ARAP2: variants seen among roughly 807,000 people sequenced by gnomAD.
The protein encoded by ARAP2 is ArfGAP with RhoGAP domain, ankyrin repeat and PH domain 2, also known as arf-GAP with Rho-GAP domain, ANK repeat and PH domain-containing protein 2.
A neutral mutation model predicts 194.5 loss-of-function variants in ARAP2; 148 were observed. The ratio of observed to expected loss-of-function variants is 0.76; its 90% CI spans 0.67 to 0.87. ARAP2 has a LOEUF of 0.87. Ranked by LOEUF, ARAP2 falls within the 40% of genes least tolerant of loss-of-function variation. The pLI is 0.00. For synonymous variants in ARAP2, 695 were observed against 683.5 expected, an observed-to-expected ratio of 1.02 and a Z score of -0.26; for missense variants, 2,128 against 1,989.7, an observed-to-expected ratio of 1.07 and a Z score of -1.32.
At chr4:36,131,480 C>A (rs1725442642) in intron 20 of ARAP2, among the ~76,000 whole-genome samples, 1 of 150,966 alleles carries the variant, frequency 6.6e-6, no homozygotes, top group South Asian at 2.1e-4. Flanking sequence ...GTGTGTATAA[C>A]TATATAAACA....
chr4:36,147,906 T>C (rs113067962), intron 17 of ARAP2, among the ~76,000 whole-genome samples, 160 bp from the exon 18 acceptor site: 4 of 152,188 alleles, frequency 2.6e-5, no homozygotes, highest in Non-Finnish European at 5.9e-5. Flanking sequence ...GCTATCAGTC[T>C]TAAAACTGAA....
intron 5 of ARAP2, among the ~76,000 whole-genome samples, chr4:36,027,259 A>G (rs557112696): frequency 1.3e-5 from 2 of 152,244 alleles, no homozygotes; most frequent in African/African-American, 2.4e-5. Context: ...AGTAAAAACT[A>G]AAGCACAGAG....
intron 7 of ARAP2, among the ~76,000 whole-genome samples, chr4:36,188,893 T>C (rs1437911546): frequency 1.3e-5 from 2 of 152,228 alleles, no homozygotes; most frequent in Non-Finnish European, 2.9e-5. Flanking sequence ...AAGGATATCC[T>C]CTTCTGCTAT....
intron 21 of ARAP2, among the ~76,000 whole-genome samples, chr4:36,127,621 C>T (rs1236954028): frequency 6.6e-6 from 1 of 151,810 alleles, no homozygotes; most frequent in African/African-American, 2.4e-5. Flanking sequence ...AGCCATTTTC[C>T]AAATCTTGAA....
At chr4:36,033,086 G>A (rs973696052) in intron 5 of ARAP2, among the ~76,000 whole-genome samples, 2 of 152,104 alleles carry the variant, frequency 1.3e-5, no homozygotes, top group Non-Finnish European at 2.9e-5. Context: ...GATGGGCATC[G>A]AGATTGATTC....
At chr4:36,014,344 AAG>A (rs1715354819) in intron 8 of ARAP2, among the ~76,000 whole-genome samples, 1 of 128,546 alleles carries the variant, frequency 7.8e-6, no homozygotes, top group South Asian at 2.3e-4. Flanking sequence ...GAAAGAAAGA[AAG>A]AAAGAAAGAA....
intron 26 of ARAP2, among the ~76,000 whole-genome samples, chr4:36,113,630 T>C (rs895320824): frequency 6.6e-6 from 1 of 151,822 alleles, no homozygotes; most frequent in African/African-American, 2.4e-5. Flanking sequence ...TGAAACCACA[T>C]GGTGTTATTA....
At chr4:36,200,317 GC>G (rs1257924811) in intron 6 of ARAP2, among the ~76,000 whole-genome samples, 1 of 151,470 alleles carries the variant, frequency 6.6e-6, no homozygotes, top group Non-Finnish European at 1.5e-5. Context: ...GTGCAATGGT[GC>G]AATCTCAGCT....
intron 13 of ARAP2, 170 bp downstream of exon 13, chr4:36,160,289 T>A (rs1733612856): frequency 8.2e-7 from 1 of 1,225,466 alleles, no homozygotes; most frequent in Non-Finnish European, 1.0e-6. Flanking sequence ...TGACAATGAA[T>A]CCTTAAATGA....
At chr4:36,131,749 C>T (rs1725501687) in intron 20 of ARAP2, among the ~76,000 whole-genome samples, 2 of 151,646 alleles carry the variant, frequency 1.3e-5, no homozygotes, top group South Asian at 4.1e-4. Flanking sequence ...TATGAAGATT[C>T]CCAATAAGGT....
At chr4:36,203,806 G>A (rs1744960978) in intron 6 of ARAP2, among the ~76,000 whole-genome samples, 1 of 151,976 alleles carries the variant, frequency 6.6e-6, no homozygotes, top group South Asian at 2.1e-4. Flanking sequence ...TAAATTGACA[G>A]CTCAAGATTA....
chr4:36,012,455 A>G (rs931425211), intron 9 of ARAP2: 6 of 152,174 alleles, frequency 3.9e-5, no homozygotes, highest in Non-Finnish European at 8.8e-5. Flanking sequence ...ATCAATATGT[A>G]TGTAAGTGGG....
chr4:36,228,435 A>G, intron 2 of ARAP2, 147 bp downstream of exon 2: 1 of 821,788 alleles, frequency 1.2e-6, no homozygotes, highest in African/African-American at 1.7e-5. Flanking sequence ...CAATGGGATG[A>G]AGACTTTTTT....
At chr4:36,221,815 T>A (rs935387691) in intron 2 of ARAP2, among the ~76,000 whole-genome samples, 1 of 152,164 alleles carries the variant, frequency 6.6e-6, no homozygotes, top group African/African-American at 2.4e-5. Context: ...ACCTTTCTTA[T>A]ATTCTAACAC....
At chr4:36,013,324 C>T (rs372190229) in intron 8 of ARAP2, among the ~76,000 whole-genome samples, 3 of 152,102 alleles carry the variant, frequency 2.0e-5, no homozygotes, top group African/African-American at 7.2e-5. Context: ...AATAAGCTCA[C>T]AAAAGAATAG....
chr4:36,191,474 T>C (rs1741889068), intron 7 of ARAP2, among the ~76,000 whole-genome samples: 1 of 151,106 alleles, frequency 6.6e-6, no homozygotes, highest in African/African-American at 2.4e-5. Flanking sequence ...AAATACTATG[T>C]CACTAAAACC....
At chr4:36,074,227 T>A (rs1727712075) in intron 31 of ARAP2, among the ~76,000 whole-genome samples, 1 of 152,102 alleles carries the variant, frequency 6.6e-6, no homozygotes, top group Non-Finnish European at 1.5e-5. Context: ...ATCTTATATA[T>A]CCCAAATCAA....
chr4:36,161,146 A>AACACACACAC (rs36207295), intron 12 of ARAP2, among the ~76,000 whole-genome samples: 35 of 147,986 alleles, frequency 2.4e-4, no homozygotes, highest in Non-Finnish European at 3.5e-4. Flanking sequence ...CACACACACA[A>AACACACACAC]ACACACACAC....
At chr4:36,085,446 G>A (rs1711537356) in intron 28 of ARAP2, among the ~76,000 whole-genome samples, 2 of 151,844 alleles carry the variant, frequency 1.3e-5, no homozygotes, top group South Asian at 2.1e-4. Context: ...CCCAATTTAT[G>A]GAGCAAACAT....
Sources: gnomAD v4.1 joint callset for allele counts (sites outside exome capture counted in the v4.1 genomes callset) on GRCh38, gnomAD v4.1.1 for gene constraint, MANE v1.5 for transcripts, NCBI Gene and HGNC (gene_info 2026-07-23, HGNC 2026-07-21) for gene names.